PAK3: variants seen among roughly 807,000 people sequenced by gnomAD.
PAK3 encodes serine/threonine-protein kinase PAK 3.
PAK3 carries 4 observed loss-of-function variants against 41.0 expected under a neutral mutation model. That is an observed-to-expected ratio of 0.10 (90% CI 0.05 to 0.22). The LOEUF is 0.22. PAK3 is among the 10% of genes least tolerant of loss of function. The pLI is 1.00. For synonymous variants in PAK3, 146 were observed against 139.6 expected, an observed-to-expected ratio of 1.05 and a Z score of -0.32; for missense variants, 205 against 409.9, an observed-to-expected ratio of 0.50 and a Z score of 4.32.
Position 111,198,779 on chromosome X carries a change from T to C in PAK3, c.1407+2139T>C, listed in dbSNP as rs188192615. Reference sequence around the variant, plus strand: ...AGGTAATATGATGCCTCCATCTTTGTTGTTTTTGCTTGGTATTGCTTTGTC... The same window carrying C: ...AGGTAATATGATGCCTCCATCTTTGCTGTTTTTGCTTGGTATTGCTTTGTC... On this transcript the variant is annotated intron_variant, in intron 16 of 17. Transcript: ENST00000372007. Among the ~76,000 whole-genome samples the C allele has an allele frequency of 3.6e-5, 4 of 111,345 alleles. No homozygotes were observed. In the East Asian group the frequency reaches 1.1e-3, roughly 32 times the overall value.
intron 8 of PAK3, among the ~76,000 whole-genome samples, chrX:111,160,928 G>A (rs1266060356): frequency 1.8e-5 from 2 of 112,220 alleles, no homozygotes; most frequent in Non-Finnish European, 3.8e-5. Flanking sequence ...ATAAACATAC[G>A]TGTGCATGTG....
At chrX:111,143,759 T>C (rs2093906577) in intron 6 of PAK3, among the ~76,000 whole-genome samples, 1 of 112,092 alleles carries the variant, frequency 8.9e-6, no homozygotes, top group Non-Finnish European at 1.9e-5. Context: ...TTAAACTTTA[T>C]AAAAATTTTG....
At chrX:111,017,333 GAC>G (rs1294419044) in intron 1 of PAK3, among the ~76,000 whole-genome samples, 1 of 111,181 alleles carries the variant, frequency 9.0e-6, no homozygotes, top group Non-Finnish European at 1.9e-5. Flanking sequence ...CAACAAAATT[GAC>G]AGAGTTTATA....
At chrX:111,188,962 G>A (rs2094537515) in intron 11 of PAK3, among the ~76,000 whole-genome samples, 1 of 111,471 alleles carries the variant, frequency 9.0e-6, no homozygotes, top group South Asian at 3.8e-4. Flanking sequence ...ATATGTGCAG[G>A]TATGTTACCT....
Position 111,145,050 on chromosome X carries a change from C to T in PAK3, c.277-2687C>T, listed in dbSNP as rs141058719. ...ATTTACTTCTAGTTGGTATCCTATA[C>T]ACAGTCAGACATTGATATGTGCTCC... On this transcript the variant is annotated intron_variant, in intron 6 of 17. Coordinates refer to ENST00000372007, the MANE Select transcript of PAK3 (RefSeq NM_002578.5). The T allele has an allele frequency of 9.7e-3, 3,713 of 382,224 alleles. 74 individuals are homozygous for T. The highest frequency in any genetic ancestry group is 0.065 in the African/African-American group (2,565 of 39,330). The allele number at this position is 382,224 out of a possible 1,213,427, so 31.5% of individuals were successfully genotyped here.
At chrX:111,069,466 A>G (rs1453747164) in intron 1 of PAK3, among the ~76,000 whole-genome samples, 1 of 111,796 alleles carries the variant, frequency 8.9e-6, no homozygotes, top group Non-Finnish European at 1.9e-5. Context: ...AACAAAGAGG[A>G]TGATGTATAT....
At chrX:111,139,565 G>T (rs1196310483) in intron 5 of PAK3, among the ~76,000 whole-genome samples, 1 of 111,951 alleles carries the variant, frequency 8.9e-6, no homozygotes, top group Non-Finnish European at 1.9e-5. Context: ...CACTGTGATA[G>T]AGAACACCAG....
At chrX:111,204,015 G>A (rs1350796923) in intron 16 of PAK3, among the ~76,000 whole-genome samples, 2 of 111,836 alleles carry the variant, frequency 1.8e-5, no homozygotes, top group Non-Finnish European at 3.8e-5. Flanking sequence ...ATGCCTAAAA[G>A]GAGGGGGAAG....
chrX:111,101,618 G>A (rs2093139844), intron 3 of PAK3, among the ~76,000 whole-genome samples: 1 of 112,004 alleles, frequency 8.9e-6, no homozygotes, highest in Non-Finnish European at 1.9e-5. Flanking sequence ...AGATGGGCAG[G>A]GGGCTTCTTG....
chrX:111,217,691 T>G, intron 17 of PAK3: 1 of 679,543 alleles, frequency 1.5e-6, no homozygotes, highest in Non-Finnish European at 1.8e-6. Context: ...CATAGGGCCC[T>G]AAAATGTCAA....
intron 7 of PAK3, among the ~76,000 whole-genome samples, chrX:111,149,168 T>G (rs182417619): frequency 8.9e-6 from 1 of 111,830 alleles, no homozygotes; most frequent in African/African-American, 3.2e-5. Context: ...CTCCTTTGAC[T>G]CCAGGTCTCA....
intron 3 of PAK3, among the ~76,000 whole-genome samples, 162 bp from the exon 4 acceptor site, chrX:111,102,995 GAA>G (rs1280756116): frequency 1.8e-5 from 2 of 110,884 alleles, no homozygotes; most frequent in Non-Finnish European, 3.8e-5. Flanking sequence ...GAGAGATTGA[GAA>G]AGAGAGAGAG....
At chrX:111,070,520 G>A in intron 1 of PAK3, among the ~76,000 whole-genome samples, 1 of 111,740 alleles carries the variant, frequency 8.9e-6, no homozygotes, top group Non-Finnish European at 1.9e-5. Flanking sequence ...AGTGGGGCAG[G>A]GCGAGAAGGC....
At chrX:110,987,027 G>A (rs2091556501) in intron 1 of PAK3, among the ~76,000 whole-genome samples, 1 of 111,688 alleles carries the variant, frequency 9.0e-6, no homozygotes, top group African/African-American at 3.3e-5. Flanking sequence ...ATAAATGAGG[G>A]CCATTCATCC....
At chrX:111,025,101 A>G (rs1313294356) in intron 1 of PAK3, among the ~76,000 whole-genome samples, 2 of 111,336 alleles carry the variant, frequency 1.8e-5, no homozygotes, top group East Asian at 5.6e-4. Context: ...TTTGAACTGA[A>G]CAATAATAAT....
chrX:111,211,521 C>T (rs2094819383), intron 16 of PAK3, among the ~76,000 whole-genome samples: 1 of 108,693 alleles, frequency 9.2e-6, no homozygotes, highest in African/African-American at 3.4e-5. Flanking sequence ...ACTAAAAATG[C>T]AAAAATTAGC....
chrX:111,028,085 A>G (rs2092298317), intron 1 of PAK3, among the ~76,000 whole-genome samples: 2 of 103,244 alleles, frequency 1.9e-5, no homozygotes, highest in Admixed American at 2.2e-4. Flanking sequence ...AAGGAATGAA[A>G]TAATGGCATT....
intron 1 of PAK3, among the ~76,000 whole-genome samples, chrX:110,990,923 T>A (rs974364609): frequency 5.5e-5 from 6 of 109,581 alleles, no homozygotes. Flanking sequence ...AGCCCAGGAG[T>A]TCGAGACCAG....
chrX:110,965,001 T>G (rs2091053301), intron 1 of PAK3, among the ~76,000 whole-genome samples: 1 of 112,057 alleles, frequency 8.9e-6, no homozygotes, highest in Non-Finnish European at 1.9e-5. Context: ...CAGCTTGCTT[T>G]ACCAGTGCCA....
Sources: allele counts gnomAD v4.1 joint callset (sites outside exome capture counted in the v4.1 genomes callset), GRCh38; gene constraint gnomAD v4.1.1; transcripts MANE v1.5; gene names NCBI Gene and HGNC (gene_info 2026-07-23, HGNC 2026-07-21).